The following TNS3 variants were observed in gnomAD, a reference collection of about 807,000 sequenced individuals.
TNS3 encodes tensin-3.
TNS3 carries 45 observed loss-of-function variants against 140.9 expected under a neutral mutation model. The ratio of observed to expected loss-of-function variants is 0.32; its 90% CI spans 0.25 to 0.41. The LOEUF is 0.41. Ranked by LOEUF, TNS3 falls within the 10% of genes least tolerant of loss-of-function variation. The probability of loss-of-function intolerance (pLI) is 1.00; values close to 1 mark genes in which losing one functional copy is unlikely to be tolerated. For missense variants in TNS3, 1,716 were observed against 1,906.7 expected (o/e 0.90, Z 1.86); for synonymous variants, 815 against 788.4 (o/e 1.03, Z -0.56).
At chr7:47,517,549 C>T (rs1165866584) in intron 2 of TNS3, among the ~76,000 whole-genome samples, 1 of 152,234 alleles carries the variant, frequency 6.6e-6, no homozygotes, top group Non-Finnish European at 1.5e-5. Context: ...CTTTTATTCC[C>T]TCCTTAATTC....
chr7:47,545,371 T>C (rs1397661280), intron 1 of TNS3, among the ~76,000 whole-genome samples: 1 of 152,124 alleles, frequency 6.6e-6, no homozygotes, highest in African/African-American at 2.4e-5. Flanking sequence ...TCTAGAACAC[T>C]GAGGAAGAGC....
chr7:47,340,077 G>T lies in TNS3; in HGVS notation c.2650+4678C>A, dbSNP rs546281121. ...TGTATATATATACATACGAATATAT[G>T]TGTGTGTGCATATACATATATATAT... On this transcript the variant is annotated intron_variant, in intron 20 of 30. Transcript: ENST00000311160. Among the ~76,000 whole-genome samples, 312 of 112,922 alleles carry T rather than the reference G, an allele frequency of 2.8e-3. 1 individual carries two copies. The highest frequency in any genetic ancestry group is 4.5e-3 in the Non-Finnish European group (257 of 57,524). The allele number at this position is 112,922 out of a possible 152,430, so 74.1% of individuals were successfully genotyped here.
intron 4 of TNS3, among the ~76,000 whole-genome samples, chr7:47,460,424 G>T (rs757249435): frequency 4.6e-5 from 7 of 152,124 alleles, no homozygotes; most frequent in Non-Finnish European, 8.8e-5. Flanking sequence ...TGCCCCGCAC[G>T]GTGGTGCTTT....
chr7:47,496,468 C>G (rs1798010042), intron 3 of TNS3, among the ~76,000 whole-genome samples: 1 of 152,182 alleles, frequency 6.6e-6, no homozygotes, highest in African/African-American at 2.4e-5. Flanking sequence ...AGCTTGGAAG[C>G]AGGCGGGGGG....
At chr7:47,545,138 G>A (rs894546020) in intron 1 of TNS3, among the ~76,000 whole-genome samples, 1 of 123,062 alleles carries the variant, frequency 8.1e-6, no homozygotes, top group African/African-American at 2.9e-5. Flanking sequence ...TGCGTAAGAG[G>A]GCATTTTTTT....
At chr7:47,303,932 G>T (rs1786585634) in intron 21 of TNS3, among the ~76,000 whole-genome samples, 1 of 152,170 alleles carries the variant, frequency 6.6e-6, no homozygotes. Flanking sequence ...TTAAGACGCA[G>T]CTCAGCTGTG....
intron 13 of TNS3, chr7:47,405,652 C>G: frequency 1.4e-6 from 1 of 697,348 alleles, no homozygotes; most frequent in Admixed American, 2.0e-5. Flanking sequence ...TAAGACCCAG[C>G]CCAGTCTAAA....
rs1170065858 is a variant in TNS3 at position 47,529,057 on chromosome 7, C to T, written c.-174G>A. 4 of 1,287,668 alleles carry T rather than the reference C, an allele frequency of 3.1e-6. No homozygotes were observed. The highest frequency in any genetic ancestry group is 2.3e-5 in the Admixed American group (1 of 43,150). 79.8% of individuals were successfully genotyped at this position (1,287,668 alleles called of 1,614,324 possible). ...TTACCTCGGCATGAAATACCTTGAC[C>T]GTCAATAATTTGTTTGCAAACTCCA... On this transcript the variant is annotated 5_prime_UTR_variant, in exon 2 of 31. Transcript: ENST00000311160.
chr7:47,409,194 G>A (rs1348365860), intron 13 of TNS3, among the ~76,000 whole-genome samples: 4 of 152,106 alleles, frequency 2.6e-5, no homozygotes, highest in African/African-American at 9.7e-5. Flanking sequence ...GAGAAGAGAG[G>A]GGAGAAGAGA....
intron 1 of TNS3, among the ~76,000 whole-genome samples, chr7:47,556,410 G>T (rs1049606964): frequency 6.6e-6 from 1 of 152,156 alleles, no homozygotes; most frequent in Non-Finnish European, 1.5e-5. Context: ...GCCATCTGGG[G>T]ACAACTCTGC....
chr7:47,523,240 C>T (rs865946430), intron 2 of TNS3, among the ~76,000 whole-genome samples: 1 of 152,084 alleles, frequency 6.6e-6, no homozygotes, highest in Non-Finnish European at 1.5e-5. Context: ...CCATGAGGCT[C>T]CACTCACAAA....
At chr7:47,281,335 G>A (rs533565941) in intron 28 of TNS3, among the ~76,000 whole-genome samples, 1 of 152,306 alleles carries the variant, frequency 6.6e-6, no homozygotes, top group East Asian at 1.9e-4. Flanking sequence ...TATCCACCCA[G>A]TCCACATGGT....
intron 20 of TNS3, among the ~76,000 whole-genome samples, chr7:47,330,865 T>G (rs1788296752): frequency 6.6e-6 from 1 of 152,052 alleles, no homozygotes; most frequent in Non-Finnish European, 1.5e-5. Context: ...AATTCTCCCT[T>G]AACACCCTCC....
intron 9 of TNS3, among the ~76,000 whole-genome samples, chr7:47,426,036 CACTT>C (rs1794629102): frequency 1.3e-5 from 2 of 151,904 alleles, no homozygotes; most frequent in East Asian, 1.9e-4. Context: ...AAAAAACACA[CACTT>C]AGGAGGCTGA....
chr7:47,557,252 T>G, intron 1 of TNS3: 1 of 412,922 alleles, frequency 2.4e-6, no homozygotes, highest in South Asian at 1.8e-5. Flanking sequence ...TCGTCTTTCC[T>G]CAGGGTGCAG....
At chr7:47,576,511 A>G (rs555776262) in intron 1 of TNS3, among the ~76,000 whole-genome samples, 1 of 152,304 alleles carries the variant, frequency 6.6e-6, no homozygotes, top group South Asian at 2.1e-4. Context: ...TCTACCTCCC[A>G]AATGGCCAGT....
chr7:47,362,115 G>A (rs1412244723), intron 17 of TNS3, among the ~76,000 whole-genome samples: 1 of 152,220 alleles, frequency 6.6e-6, no homozygotes, highest in African/African-American at 2.4e-5. Flanking sequence ...CCTGGCAGCA[G>A]CACCCAGGGG....
At chr7:47,311,417 T>C (rs970618235) in intron 20 of TNS3, among the ~76,000 whole-genome samples, 7 of 149,692 alleles carry the variant, frequency 4.7e-5, no homozygotes, top group Non-Finnish European at 9.0e-5. Flanking sequence ...TGTGTGTGTG[T>C]GTGTGTGTGT....
At chr7:47,302,631 G>A (rs1182929516) in intron 22 of TNS3, among the ~76,000 whole-genome samples, 1 of 152,182 alleles carries the variant, frequency 6.6e-6, no homozygotes, top group Non-Finnish European at 1.5e-5. Flanking sequence ...AATTTAATTT[G>A]ACAAGGAATT....
Sources: gnomAD v4.1 joint callset for allele counts (sites outside exome capture counted in the v4.1 genomes callset) on GRCh38, gnomAD v4.1.1 for gene constraint, MANE v1.5 for transcripts, NCBI Gene and HGNC (gene_info 2026-07-23, HGNC 2026-07-21) for gene names.